DPYD: variants seen among roughly 807,000 people sequenced by gnomAD.
DPYD encodes dihydropyrimidine dehydrogenase.
In DPYD, 109 loss-of-function variants were observed where a neutral mutation model predicts 116.2. That is an observed-to-expected ratio of 0.94 (90% CI 0.80 to 1.10). The LOEUF (loss-of-function observed/expected upper bound fraction) is 1.10. Ranked by LOEUF, DPYD falls within the 50% of genes least tolerant of loss-of-function variation. The pLI is 0.00. For synonymous variants in DPYD, 440 were observed against 432.0 expected (o/e 1.02, Z -0.23); for missense variants, 1,302 against 1,254.5 (o/e 1.04, Z -0.57).
At chr1:97,296,931 TA>T (rs1371961820) in intron 18 of DPYD, among the ~76,000 whole-genome samples, 2 of 152,102 alleles carry the variant, frequency 1.3e-5, no homozygotes, top group Non-Finnish European at 2.9e-5. Context: ...TAGGTTTATT[TA>T]AAAAATGCTG....
At chr1:97,311,304 A>C (rs74104350) in intron 16 of DPYD, among the ~76,000 whole-genome samples, 222 of 151,964 alleles carry the variant, frequency 1.5e-3, no homozygotes, top group African/African-American at 5.2e-3. Context: ...GGACCACCTG[A>C]AAATTAATGA....
intron 3 of DPYD, among the ~76,000 whole-genome samples, chr1:97,803,509 T>C (rs1379935459): frequency 2.0e-5 from 3 of 151,926 alleles, no homozygotes; most frequent in African/African-American, 7.2e-5. Context: ...ATTGAATGTA[T>C]ATTCAGAGAA....
At chr1:97,681,043 C>A (rs1265952406) in intron 7 of DPYD, among the ~76,000 whole-genome samples, 1 of 152,134 alleles carries the variant, frequency 6.6e-6, no homozygotes. Flanking sequence ...TACAGCTACA[C>A]TGAATAGTGC....
chr1:97,495,110 G>C (rs1299830056), intron 13 of DPYD, among the ~76,000 whole-genome samples: 1 of 152,150 alleles, frequency 6.6e-6, no homozygotes, highest in Admixed American at 6.5e-5. Context: ...TTTTAAACAT[G>C]TTAAGGCTTC....
rs555033091 is a variant in DPYD, at chr1:97,604,920, T to C, written c.851-9754A>G. ...ATTAAAACAGAGTACCTTTTAGAAG[T>C]ATGCATTTTATTGTGTACAGAGGGC... On this transcript the variant is annotated intron_variant, in intron 8 of 22. Transcript: ENST00000370192. 1.9e-3 allele frequency among the ~76,000 whole-genome samples: 284 copies of C among 152,252 alleles called. 4 individuals are homozygous for C. The highest frequency in any genetic ancestry group is 6.5e-3 in the African/African-American group (270 of 41,566).
At chr1:97,587,461 T>G (rs186164051) in intron 10 of DPYD, among the ~76,000 whole-genome samples, 241 of 152,314 alleles carry the variant, frequency 1.6e-3, no homozygotes, top group Non-Finnish European at 2.7e-3. Context: ...GGGGCTATTT[T>G]CTAAAAATAG....
chr1:97,300,930 C>T (rs72971802), intron 18 of DPYD, among the ~76,000 whole-genome samples: 3,832 of 152,158 alleles, frequency 0.025, 61 homozygotes, highest in African/African-American at 0.039. Context: ...CCTACACTGA[C>T]GCAGATCTAC....
chr1:97,569,132 C>A (rs1021831360), intron 11 of DPYD, among the ~76,000 whole-genome samples: 1 of 151,854 alleles, frequency 6.6e-6, no homozygotes, highest in African/African-American at 2.4e-5. Context: ...AACCTTATTG[C>A]CTTGGTTGTA....
At chr1:97,524,304 A>T (rs11165889) in intron 12 of DPYD, among the ~76,000 whole-genome samples, 44,698 of 152,064 alleles carry the variant, frequency 0.29, 6,712 homozygotes, top group East Asian at 0.49. Flanking sequence ...GTCCTGGGAG[A>T]TGTGAGCTCA....
At chr1:97,202,100 C>T (rs1269932829) in intron 19 of DPYD, among the ~76,000 whole-genome samples, 1 of 151,978 alleles carries the variant, frequency 6.6e-6, no homozygotes, top group Non-Finnish European at 1.5e-5. Context: ...CTGACCACAG[C>T]AAATAGGATT....
At chr1:97,833,032 T>G (rs1235048017) in intron 2 of DPYD, among the ~76,000 whole-genome samples, 1 of 151,542 alleles carries the variant, frequency 6.6e-6, no homozygotes, top group Non-Finnish European at 1.5e-5. Context: ...CAAATTACAT[T>G]ATTAAATAAA....
intron 19 of DPYD, among the ~76,000 whole-genome samples, chr1:97,215,728 A>G (rs1660334292): frequency 6.6e-6 from 1 of 152,158 alleles, no homozygotes; most frequent in East Asian, 1.9e-4. Context: ...CCTGCGCACA[A>G]ACAGGCACGC....
At chr1:97,453,540 T>C (rs531735457) in intron 13 of DPYD, among the ~76,000 whole-genome samples, 50 of 152,266 alleles carry the variant, frequency 3.3e-4, no homozygotes, top group African/African-American at 1.1e-3. Flanking sequence ...ATATGCTATA[T>C]GCTATTTACA....
chr1:97,119,255 T>A (rs145166180), intron 20 of DPYD, among the ~76,000 whole-genome samples: 2 of 152,336 alleles, frequency 1.3e-5, no homozygotes, highest in East Asian at 3.9e-4. Context: ...TTAGTATGTC[T>A]CCAGAAGTCA....
At chr1:97,773,695 G>A (rs561164553) in intron 3 of DPYD, among the ~76,000 whole-genome samples, 13 of 152,294 alleles carry the variant, frequency 8.5e-5, no homozygotes, top group South Asian at 6.2e-4. Flanking sequence ...AGAACGAAGC[G>A]GATTACATGG....
chr1:97,430,226 T>C (rs1241113338), intron 14 of DPYD, among the ~76,000 whole-genome samples: 1 of 152,100 alleles, frequency 6.6e-6, no homozygotes, highest in Non-Finnish European at 1.5e-5. Context: ...GCAGGAGATG[T>C]GTAGTAGTTC....
At chr1:97,709,186 C>G (rs1662149452) in intron 5 of DPYD, among the ~76,000 whole-genome samples, 1 of 151,864 alleles carries the variant, frequency 6.6e-6, no homozygotes, top group South Asian at 2.1e-4. Context: ...AATATTGTAT[C>G]ACTTGGACTA....
At chr1:97,199,317 G>C (rs1217848144) in intron 19 of DPYD, among the ~76,000 whole-genome samples, 1 of 152,100 alleles carries the variant, frequency 6.6e-6, no homozygotes. Context: ...AAGTTAAGAG[G>C]CTGAGAGCAT....
chr1:97,150,536 T>G (rs1249997480), intron 20 of DPYD, among the ~76,000 whole-genome samples: 1 of 152,208 alleles, frequency 6.6e-6, no homozygotes, highest in Non-Finnish European at 1.5e-5. Flanking sequence ...TATAATAAGC[T>G]CACCCAGGCA....
Sources: gnomAD v4.1 joint callset for allele counts (sites outside exome capture counted in the v4.1 genomes callset) on GRCh38, gnomAD v4.1.1 for gene constraint, MANE v1.5 for transcripts, NCBI Gene and HGNC (gene_info 2026-07-23, HGNC 2026-07-21) for gene names.